GMDS: variants seen among roughly 807,000 people sequenced by gnomAD.
The protein encoded by GMDS is GDP-mannose 4,6-dehydratase.
GMDS carries 20 observed loss-of-function variants against 49.9 expected under a neutral mutation model. The observed-to-expected ratio is 0.40, with a 90% confidence interval of 0.28 to 0.58. The LOEUF is 0.58. Among genes scored for constraint, GMDS ranks in the 20% least tolerant of loss-of-function variants. GMDS has a pLI of 0.42. For missense variants in GMDS, 362 were observed against 481.4 expected (o/e 0.75, Z 2.32); for synonymous variants, 177 against 178.6 (o/e 0.99, Z 0.07).
At chr6:2,168,356 A>C (rs1179656613) in intron 1 of GMDS, among the ~76,000 whole-genome samples, 1 of 152,222 alleles carries the variant, frequency 6.6e-6, no homozygotes, top group African/African-American at 2.4e-5. Flanking sequence ...GCACCACTTT[A>C]AGGCCTGAGA....
rs77575359 is a variant in GMDS at position 2,092,254 on chromosome 6, A to C, written c.345+23517T>G. On this transcript the variant is annotated intron_variant, in intron 4 of 10. Transcript: ENST00000380815. Reference sequence around the variant, plus strand: ...ACACTAAGTATCCATGCACCATCACACAATCTTGCCTAAGCTGTGCTGTTC... The same window carrying C: ...ACACTAAGTATCCATGCACCATCACCCAATCTTGCCTAAGCTGTGCTGTTC... 4.8e-3 allele frequency among the ~76,000 whole-genome samples: 735 copies of C among 152,268 alleles called. 4 individuals carry two copies. Among genetic ancestry groups the C allele is most frequent in the African/African-American group, 0.016 (684 of 41,560 alleles).
chr6:2,094,644 T>C (rs781466798), intron 4 of GMDS, among the ~76,000 whole-genome samples: 1 of 152,128 alleles, frequency 6.6e-6, no homozygotes, highest in Non-Finnish European at 1.5e-5. Flanking sequence ...GTAGGCATAT[T>C]TGGTGCAGTT....
chr6:1,829,396 G>C (rs778745874), intron 7 of GMDS, among the ~76,000 whole-genome samples: 14 of 152,180 alleles, frequency 9.2e-5, no homozygotes, highest in Non-Finnish European at 1.8e-4. Context: ...TTTCCCCTAA[G>C]AGGTTGTTTA....
At chr6:1,931,244 A>T (rs1046219320) in intron 6 of GMDS, among the ~76,000 whole-genome samples, 1 of 152,216 alleles carries the variant, frequency 6.6e-6, no homozygotes, top group African/African-American at 2.4e-5. Flanking sequence ...CAGATGAAGC[A>T]GGGAGGCAAA....
intron 1 of GMDS, 137 bp from the exon 2 acceptor site, chr6:2,124,868 C>A (rs2127509813): frequency 1.5e-6 from 1 of 657,634 alleles, no homozygotes. Flanking sequence ...AAAATAACAC[C>A]AATAATGTCA....
At chr6:2,074,668 T>A (rs1401447075) in intron 4 of GMDS, among the ~76,000 whole-genome samples, 1 of 152,158 alleles carries the variant, frequency 6.6e-6, no homozygotes, top group East Asian at 1.9e-4. Flanking sequence ...TTTTAAAAAA[T>A]TAATTATTTA....
chr6:1,799,488 GA>G (rs1769863595), intron 7 of GMDS, among the ~76,000 whole-genome samples: 1 of 152,142 alleles, frequency 6.6e-6, no homozygotes, highest in Admixed American at 6.5e-5. Flanking sequence ...CTGTGATCAA[GA>G]TATACTTTTA....
intron 1 of GMDS, among the ~76,000 whole-genome samples, chr6:2,164,410 G>T (rs564351507): frequency 6.6e-6 from 1 of 152,172 alleles, no homozygotes; most frequent in South Asian, 2.1e-4. Flanking sequence ...GGTAAAGGTG[G>T]GTCCTGAGTA....
chr6:1,775,009 A>G (rs1324232093), intron 7 of GMDS, among the ~76,000 whole-genome samples: 1 of 152,226 alleles, frequency 6.6e-6, no homozygotes, highest in Non-Finnish European at 1.5e-5. Flanking sequence ...CTGATTCCGA[A>G]AGACAAGTCT....
At chr6:2,169,070 G>A (rs13437488) in intron 1 of GMDS, among the ~76,000 whole-genome samples, 23,757 of 151,984 alleles carry the variant, frequency 0.16, 4,225 homozygotes, top group African/African-American at 0.43. Flanking sequence ...AGACTCCACA[G>A]TCATCTTTCC....
At chr6:1,643,644 G>GC (rs1264221410) in intron 9 of GMDS, among the ~76,000 whole-genome samples, 2 of 152,028 alleles carry the variant, frequency 1.3e-5, no homozygotes, top group Non-Finnish European at 2.9e-5. Flanking sequence ...GACCACCTGG[G>GC]CCACGGTGGG....
At chr6:1,932,321 G>T (rs1561901544) in intron 6 of GMDS, among the ~76,000 whole-genome samples, 1 of 152,218 alleles carries the variant, frequency 6.6e-6, no homozygotes, top group South Asian at 2.1e-4. Flanking sequence ...CAACCCATGT[G>T]CTAATATTAC....
At chr6:1,709,360 C>T (rs561751800) in intron 9 of GMDS, among the ~76,000 whole-genome samples, 3 of 152,322 alleles carry the variant, frequency 2.0e-5, no homozygotes, top group East Asian at 1.9e-4. Flanking sequence ...TGGGGGAGCA[C>T]GGCCTGGAAA....
chr6:1,916,059 T>A (rs1234230885), intron 7 of GMDS, among the ~76,000 whole-genome samples: 1 of 152,248 alleles, frequency 6.6e-6, no homozygotes, highest in East Asian at 1.9e-4. Context: ...AAGCTGTACC[T>A]GAAGATCTTG....
chr6:2,011,709 G>A lies in GMDS; in HGVS notation c.346-50743C>T, dbSNP rs572147492. Among the ~76,000 whole-genome samples, 28 of 152,330 alleles carry A rather than the reference G, an allele frequency of 1.8e-4. 1 individual carries two copies. In the South Asian group the frequency reaches 4.8e-3, roughly 26 times the overall value. ...TGGAAGGATTTGCCTGAGGCAAGGA[G>A]TTCGTGACCATCCTGGGCAACATAA... On this transcript the variant is annotated intron_variant, in intron 4 of 10. Transcript: ENST00000380815.
intron 1 of GMDS, among the ~76,000 whole-genome samples, chr6:2,149,848 G>A (rs76221606): frequency 0.034 from 5,137 of 152,214 alleles, 118 homozygotes; most frequent in Non-Finnish European, 0.053. Context: ...TTCCAGCCAG[G>A]ATTGTGTGCA....
chr6:2,169,376 G>A (rs1416734263), intron 1 of GMDS, among the ~76,000 whole-genome samples: 1 of 152,144 alleles, frequency 6.6e-6, no homozygotes, highest in Non-Finnish European at 1.5e-5. Flanking sequence ...GGAGGCCAAG[G>A]TGGGAGGAAC....
At position 1,892,652 on chromosome 6, in the gene GMDS, C is replaced by G. The variant is rs540614821; in HGVS notation, c.771+37451G>C. 5.3e-5 allele frequency among the ~76,000 whole-genome samples: 8 copies of G among 152,276 alleles called. No homozygotes were observed. The East Asian group carries it at 1.4e-3, about 26-fold the overall frequency. On this transcript the variant is annotated intron_variant, in intron 7 of 10. Transcript: ENST00000380815. ...AGATTACAGGCATGAGCCACCACAC[C>G]CAGCCTTAATTAAGCTTTTAACTCC...
At chr6:2,075,504 G>T (rs759957368) in intron 4 of GMDS, among the ~76,000 whole-genome samples, 2 of 152,144 alleles carry the variant, frequency 1.3e-5, no homozygotes, top group Non-Finnish European at 2.9e-5. Context: ...GAGAACACGC[G>T]ATGTTTGGTT....
Sources: allele counts gnomAD v4.1 joint callset (sites outside exome capture counted in the v4.1 genomes callset), GRCh38; gene constraint gnomAD v4.1.1; transcripts MANE v1.5; gene names NCBI Gene and HGNC (gene_info 2026-07-23, HGNC 2026-07-21).